CFAP61: variants seen among roughly 807,000 people sequenced by gnomAD.
CFAP61 encodes cilia- and flagella-associated protein 61.
Under a neutral mutation model 135.6 loss-of-function variants are expected in CFAP61, and 107 were observed. The observed-to-expected ratio is 0.79, with a 90% CI of 0.67 to 0.93. CFAP61 has a LOEUF of 0.93. CFAP61 is among the 40% of genes least tolerant of loss of function. The probability of loss-of-function intolerance (pLI) is 0.00; values close to 1 mark genes in which losing one functional copy is unlikely to be tolerated. For missense variants in CFAP61, 1,507 were observed against 1,556.2 expected (o/e 0.97, Z 0.53); for synonymous variants, 575 against 578.5 (o/e 0.99, Z 0.09).
chr20:20,253,523 G>T (rs1371749844), intron 20 of CFAP61: 2 of 451,784 alleles, frequency 4.4e-6, no homozygotes, highest in Non-Finnish European at 8.7e-6. Context: ...AATGACCAGA[G>T]AATCTACATG....
At chr20:20,307,209 T>C (rs1315052408) in intron 25 of CFAP61, among the ~76,000 whole-genome samples, 1 of 152,154 alleles carries the variant, frequency 6.6e-6, no homozygotes, top group Non-Finnish European at 1.5e-5. Context: ...TTCCTTAACA[T>C]GGAAAGGACA....
intron 17 of CFAP61, among the ~76,000 whole-genome samples, chr20:20,212,556 C>T (rs1433978332): frequency 6.6e-6 from 1 of 152,174 alleles, no homozygotes; most frequent in Non-Finnish European, 1.5e-5. Context: ...GCCTGTTTCT[C>T]TACCCCCACC....
intron 17 of CFAP61, among the ~76,000 whole-genome samples, chr20:20,214,764 A>G (rs1819300403): frequency 6.6e-6 from 1 of 152,210 alleles, no homozygotes; most frequent in Admixed American, 6.5e-5. Flanking sequence ...CTGATGGAAA[A>G]TTTGGGAGCA....
chr20:20,159,039 CTT>C (rs911346203), intron 9 of CFAP61, among the ~76,000 whole-genome samples: 3 of 152,128 alleles, frequency 2.0e-5, no homozygotes, highest in Non-Finnish European at 4.4e-5. Context: ...AAAGAAAAAA[CTT>C]AGTGCACCTT....
chr20:20,143,029 C>G, intron 9 of CFAP61, 81 bp downstream of exon 9: 1 of 808,254 alleles, frequency 1.2e-6, no homozygotes, highest in Non-Finnish European at 2.0e-6. Context: ...ATCTCTGGTG[C>G]TGGCGTCACT....
chr20:20,171,031 G>GTAAC (rs1225562048), intron 13 of CFAP61, among the ~76,000 whole-genome samples: 4 of 152,266 alleles, frequency 2.6e-5, no homozygotes, highest in Admixed American at 2.6e-4. Flanking sequence ...GAGAGGTTGA[G>GTAAC]TAACTAGTCC....
chr20:20,156,369 C>G (rs1350573735), intron 9 of CFAP61, among the ~76,000 whole-genome samples: 2 of 152,008 alleles, frequency 1.3e-5, no homozygotes, highest in African/African-American at 2.4e-5. Context: ...CTCATAAAGA[C>G]TCTTAGCACT....
At chr20:20,355,785 GGTC>G (rs2059102826) in intron 26 of CFAP61, among the ~76,000 whole-genome samples, 1 of 132,978 alleles carries the variant, frequency 7.5e-6, no homozygotes, top group African/African-American at 3.1e-5. Flanking sequence ...GAGGGGAGGT[GGTC>G]ACACTGAGGG....
intron 25 of CFAP61, among the ~76,000 whole-genome samples, chr20:20,308,793 C>T (rs182858705): frequency 6.6e-6 from 1 of 152,278 alleles, no homozygotes; most frequent in Admixed American, 6.5e-5. Context: ...ACTTGTACAG[C>T]AGGAGTTAAA....
intron 24 of CFAP61, among the ~76,000 whole-genome samples, chr20:20,296,782 T>G (rs971351392): frequency 6.6e-6 from 1 of 152,222 alleles, no homozygotes; most frequent in Non-Finnish European, 1.5e-5. Flanking sequence ...AAACTACTTC[T>G]AAAGCATAAA....
intron 25 of CFAP61, among the ~76,000 whole-genome samples, chr20:20,300,296 A>G (rs1468144801): frequency 6.6e-6 from 1 of 152,180 alleles, no homozygotes; most frequent in African/African-American, 2.4e-5. Flanking sequence ...ATGAAAAAAA[A>G]GTTAACTCTA....
rs2055628695 is a variant in CFAP61, at chr20:20,187,893, TACTTTA to T, written c.1386-32_1386-27del. 1.9e-6 allele frequency: 3 copies of T among 1,538,566 alleles called. No individual in the cohort carries two copies. In the East Asian group the frequency reaches 6.7e-5, roughly 35 times the overall value. Reference sequence around the variant, plus strand: ...CCATTTGGGGGGAATACATATTTAGTACTTTAACTTAAAAATATATTCCTCTCCTTA... The same window carrying T: ...CCATTTGGGGGGAATACATATTTAGTACTTAAAAATATATTCCTCTCCTTA... On this transcript the variant is annotated intron_variant, in intron 13 of 26. Coordinates refer to ENST00000245957, the MANE Select transcript of CFAP61 (RefSeq NM_015585.4).
At chr20:20,343,489 G>A (rs998335353) in intron 26 of CFAP61, among the ~76,000 whole-genome samples, 3 of 152,310 alleles carry the variant, frequency 2.0e-5, no homozygotes, top group East Asian at 1.9e-4. Context: ...TGCTGAAGGC[G>A]TGCATGTGGC....
chr20:20,152,757 G>T (rs1224789673), intron 9 of CFAP61, among the ~76,000 whole-genome samples: 2 of 152,076 alleles, frequency 1.3e-5, no homozygotes. Flanking sequence ...GAGATAGATG[G>T]CAACACAATA....
intron 22 of CFAP61, among the ~76,000 whole-genome samples, chr20:20,280,585 T>C (rs531914625): frequency 3.9e-5 from 6 of 152,260 alleles, no homozygotes; most frequent in Non-Finnish European, 5.9e-5. Flanking sequence ...AGATTCCATA[T>C]AGTTCCATGT....
At chr20:20,276,413 A>G (rs2053769329) in intron 21 of CFAP61, among the ~76,000 whole-genome samples, 1 of 152,256 alleles carries the variant, frequency 6.6e-6, no homozygotes, top group African/African-American at 2.4e-5. Context: ...CATTAATTTA[A>G]TAGTGTCATT....
chr20:20,262,916 CTA>C (rs1399101057), intron 20 of CFAP61, 38 bp from the exon 21 acceptor site: 1 of 1,384,484 alleles, frequency 7.2e-7, no homozygotes, highest in Non-Finnish European at 9.8e-7. Context: ...ACCACTTTAT[CTA>C]TTATCACTGA....
chr20:20,209,909 C>T (rs1377927632), intron 17 of CFAP61, among the ~76,000 whole-genome samples: 3 of 151,944 alleles, frequency 2.0e-5, no homozygotes, highest in South Asian at 4.2e-4. Context: ...GGCAAAGTCA[C>T]CCCTTGTCCT....
chr20:20,277,873 G>T (rs1437553911), intron 22 of CFAP61, among the ~76,000 whole-genome samples: 1 of 152,168 alleles, frequency 6.6e-6, no homozygotes, highest in African/African-American at 2.4e-5. Context: ...ACTTAGAAGT[G>T]GCCCCTTCAT....
Sources: gnomAD v4.1 joint callset for allele counts (sites outside exome capture counted in the v4.1 genomes callset) on GRCh38, gnomAD v4.1.1 for gene constraint, MANE v1.5 for transcripts, NCBI Gene and HGNC (gene_info 2026-07-23, HGNC 2026-07-21) for gene names.